The following DLEC1 variants were observed in gnomAD, a reference collection of about 807,000 sequenced individuals.
The protein encoded by DLEC1 is DLEC1 cilia and flagella associated protein, also known as deleted in lung and esophageal cancer protein 1.
Under a neutral mutation model 198.1 loss-of-function variants are expected in DLEC1, and 146 were observed. The observed-to-expected ratio is 0.74, with a 90% confidence interval of 0.64 to 0.85. DLEC1 has a LOEUF of 0.85. Among genes scored for constraint, DLEC1 ranks in the 40% least tolerant of loss-of-function variants. DLEC1 has a pLI of 0.00. For synonymous variants in DLEC1, 897 were observed against 866.8 expected, an observed-to-expected ratio of 1.03 and a Z score of -0.61; for missense variants, 2,233 against 2,220.0, an observed-to-expected ratio of 1.01 and a Z score of -0.12.
intron 21 of DLEC1, among the ~76,000 whole-genome samples, chr3:38,108,885 G>A (rs573853592): frequency 6.6e-6 from 1 of 152,354 alleles, no homozygotes; most frequent in African/African-American, 2.4e-5. Flanking sequence ...TACTACCCAG[G>A]GAGGCTAACT....
At chr3:38,119,128 T>A (rs1182229769) in intron 33 of DLEC1, among the ~76,000 whole-genome samples, 2 of 152,192 alleles carry the variant, frequency 1.3e-5, no homozygotes, top group Non-Finnish European at 2.9e-5. Context: ...CCTTGGCAGC[T>A]CTGGGGAAGC....
chr3:38,090,891 C>G (rs1344469752), intron 10 of DLEC1, among the ~76,000 whole-genome samples: 1 of 151,998 alleles, frequency 6.6e-6, no homozygotes, highest in South Asian at 2.1e-4. Context: ...AATTATCAAC[C>G]CTTGGCCAAT....
At chr3:38,043,571 C>T (rs559385366) in intron 1 of DLEC1, among the ~76,000 whole-genome samples, 2 of 152,326 alleles carry the variant, frequency 1.3e-5, no homozygotes, top group Admixed American at 1.3e-4. Context: ...GCTATTATAG[C>T]GCTTTTAAGA....
At chr3:38,069,903 A>G (rs986908721) in intron 6 of DLEC1, among the ~76,000 whole-genome samples, 1 of 152,192 alleles carries the variant, frequency 6.6e-6, no homozygotes, top group African/African-American at 2.4e-5. Context: ...AAATAGGAAG[A>G]CATACTTCAT....
At position 38,116,978 on chromosome 3, in the gene DLEC1, G is replaced by A; in HGVS notation, c.4183G>A (p.Val1395Ile). Residue 1395 changes from valine to isoleucine, a missense_variant, in exon 30 of 37, where the codon GTC becomes ATC. Val to Ile is a conservative substitution (Grantham distance 29). Coordinates refer to ENST00000308059, the MANE Select transcript of DLEC1 (RefSeq NM_007335.4). ...LYCISPKQVV[V>I]PAGGSSTIYI... is the part of the protein sequence containing the mutation. ...AAGGCTGCTGTGTCTATGCCAGGTG[G>A]TCCCTGCTGGGGGCAGCAGTACCAT... is the stretch of plus-strand genomic sequence containing the variant. The A allele has an allele frequency of 6.2e-7, 1 of 1,613,808 alleles. No homozygotes were observed. Among genetic ancestry groups the A allele is most frequent in the Non-Finnish European group, 8.5e-7 (1 of 1,179,942 alleles).
At position 38,112,472 on chromosome 3, in the gene DLEC1, G is replaced by A. The variant is rs996985951; in HGVS notation, c.3666+111G>A. 79 of 1,490,804 alleles carry A rather than the reference G, an allele frequency of 5.3e-5. No individual in the cohort carries two copies. The East Asian group carries it at 1.3e-3, about 25-fold the overall frequency. The allele number at this position is 1,490,804 out of a possible 1,614,324, so 92.3% of individuals were successfully genotyped here. ...GCCCTCAGACTCTCAAACCTCACCA[G>A]GTTGAAACGCGATGCCCACCGAGCT... On this transcript the variant is annotated intron_variant, in intron 25 of 36. Coordinates refer to ENST00000308059, the MANE Select transcript of DLEC1 (RefSeq NM_007335.4). This position sits in a 1 kb window ranked among gnomAD's most constrained non-coding sequence, Gnocchi z 4.8.
At chr3:38,079,307 A>G (rs1308646505) in intron 6 of DLEC1, among the ~76,000 whole-genome samples, 1 of 152,220 alleles carries the variant, frequency 6.6e-6, no homozygotes, top group Non-Finnish European at 1.5e-5. Flanking sequence ...AGTATTGTCT[A>G]AGTTAGCACC....
intron 33 of DLEC1, among the ~76,000 whole-genome samples, chr3:38,119,843 C>T (rs769335651): frequency 1.3e-5 from 2 of 152,180 alleles, no homozygotes; most frequent in Non-Finnish European, 2.9e-5. Flanking sequence ...AAATTAGTAC[C>T]CTTGACAAAG....
At position 38,116,890 on chromosome 3, in the gene DLEC1, G is replaced by A; in HGVS notation, c.4179+1G>A. 1 of 1,612,968 alleles carries A rather than the reference G, an allele frequency of 6.2e-7. No homozygotes were observed. Among genetic ancestry groups the A allele is most frequent in the Non-Finnish European group, 8.5e-7 (1 of 1,179,428 alleles). ...GTACTGTATCAGCCCCAAGCAGGTG[G>A]TGAGTTGGGGTATGGGCTGGGAGCT... On this transcript the variant is annotated splice_donor_variant, in intron 29 of 36. Transcript: ENST00000308059. LOFTEE classifies it high-confidence loss of function.
chr3:38,108,262 G>A (rs560703183), intron 20 of DLEC1, 143 bp from the exon 21 acceptor site: 28 of 661,874 alleles, frequency 4.2e-5, no homozygotes, highest in Non-Finnish European at 6.9e-5. Flanking sequence ...CCCCAGAAGT[G>A]AGCACCCAGC....
intron 2 of DLEC1, 69 bp from the exon 3 acceptor site, chr3:38,059,673 G>A: frequency 1.5e-6 from 2 of 1,325,692 alleles, no homozygotes; most frequent in Admixed American, 2.0e-5. Flanking sequence ...GATGAAGAAA[G>A]TTTGGGTGTG....
At chr3:38,119,399 C>G (rs902144381) in intron 33 of DLEC1, among the ~76,000 whole-genome samples, 1 of 152,160 alleles carries the variant, frequency 6.6e-6, no homozygotes, top group African/African-American at 2.4e-5. Flanking sequence ...TCTGGCACCC[C>G]TTGTCCTAGA....
At chr3:38,115,428 G>T (rs889316847) in intron 27 of DLEC1, among the ~76,000 whole-genome samples, 23 of 152,296 alleles carry the variant, frequency 1.5e-4, no homozygotes, top group African/African-American at 5.3e-4. Context: ...TACAACTGAA[G>T]GGAAGGCCGG....
In DLEC1 at chr3:38,122,677, G is replaced by C; in HGVS notation, c.*265G>C. ...TCAGTGCATAGCGAAGACCAGTATG[G>C]CAAAATTAGTCTTGGAAAAAAACCA... On this transcript the variant is annotated 3_prime_UTR_variant, in exon 37 of 37. Coordinates refer to ENST00000308059, the MANE Select transcript of DLEC1 (RefSeq NM_007335.4). 1 of 1,423,726 alleles carries C rather than the reference G, an allele frequency of 7.0e-7. No individual in the cohort carries two copies. The highest frequency in any genetic ancestry group is 9.2e-7 in the Non-Finnish European group (1 of 1,088,544). 88.2% of individuals were successfully genotyped at this position (1,423,726 alleles called of 1,614,324 possible).
chr3:38,080,311 C>T (rs1349749160), intron 6 of DLEC1, among the ~76,000 whole-genome samples: 1 of 151,888 alleles, frequency 6.6e-6, no homozygotes, highest in Non-Finnish European at 1.5e-5. Flanking sequence ...TGGGACCTAG[C>T]TTGGCCTGGT....
At chr3:38,097,077 G>C in intron 15 of DLEC1, 105 bp from the exon 16 acceptor site, 1 of 1,127,966 alleles carries the variant, frequency 8.9e-7, no homozygotes. Flanking sequence ...GCCGGGAAGT[G>C]TCATATGGAC....
At chr3:38,052,331 A>G (rs1701162281) in intron 2 of DLEC1, 2 of 374,604 alleles carry the variant, frequency 5.3e-6, no homozygotes, top group African/African-American at 4.2e-5. Context: ...CTGCACAGCA[A>G]GCTCTGCTTT....
rs1285048092 is a variant in DLEC1, at chr3:38,097,355, T to C, written c.2434+80T>C. On this transcript the variant is annotated intron_variant, in intron 16 of 36. Coordinates refer to ENST00000308059, the MANE Select transcript of DLEC1 (RefSeq NM_007335.4). Reference sequence around the variant, plus strand: ...AAATCTTCAGAGTTAAAGGGGCTTATGCAGGGCTCTTGGTGTCCTGTGACT... The same window carrying C: ...AAATCTTCAGAGTTAAAGGGGCTTACGCAGGGCTCTTGGTGTCCTGTGACT... 1.1e-5 allele frequency: 17 copies of C among 1,537,804 alleles called. No individual in the cohort carries two copies. In the South Asian group the frequency reaches 1.6e-4, roughly 14 times the overall value.
chr3:38,097,756 A>G lies in DLEC1; in HGVS notation c.2578A>G (p.Ile860Val). ...IEAVFKGPAL[I>V]INVSALQFGL... The stretch of plus-strand genomic sequence containing the variant: ...CTGGGTGTCTCAGGGGCCTGCCCTC[A>G]TCATCAACGTCTCAGCCCTTCAGTT... Residue 860 changes from isoleucine (I) to valine (V), a missense_variant, in exon 18 of 37, where the codon ATC becomes GTC. Transcript: ENST00000308059. The G allele has an allele frequency of 6.2e-7, 1 of 1,614,126 alleles. No homozygotes were observed. The highest frequency in any genetic ancestry group is 1.1e-5 in the South Asian group (1 of 91,090).
Sources: allele counts gnomAD v4.1 joint callset (sites outside exome capture counted in the v4.1 genomes callset), GRCh38; gene constraint gnomAD v4.1.1; non-coding constraint Gnocchi (gnomAD v3.1); transcripts MANE v1.5; gene names NCBI Gene and HGNC (gene_info 2026-07-23, HGNC 2026-07-21).